MYO9A: variants seen among roughly 807,000 people sequenced by gnomAD.
The protein encoded by MYO9A is unconventional myosin-IXa.
In MYO9A, 103 loss-of-function variants were observed where a neutral mutation model predicts 293.3. The ratio of observed to expected loss-of-function variants is 0.35; its 90% CI spans 0.30 to 0.41. MYO9A has a LOEUF of 0.41. MYO9A is among the 10% of genes least tolerant of loss of function. The probability of loss-of-function intolerance (pLI) is 1.00; values close to 1 mark genes in which losing one functional copy is unlikely to be tolerated. For missense variants in MYO9A, 2,685 were observed against 3,033.0 expected (o/e 0.89, Z 2.69); for synonymous variants, 1,001 against 1,035.7 (o/e 0.97, Z 0.64).
intron 1 of MYO9A, among the ~76,000 whole-genome samples, chr15:72,058,129 A>G (rs2078772806): frequency 6.6e-6 from 1 of 152,254 alleles, no homozygotes; most frequent in Admixed American, 6.5e-5. Context: ...CAAATAAGGC[A>G]GTACCCCCTG....
chr15:72,006,413 C>A (rs925163200), intron 8 of MYO9A, among the ~76,000 whole-genome samples: 1 of 151,956 alleles, frequency 6.6e-6, no homozygotes, highest in African/African-American at 2.4e-5. Flanking sequence ...ATCTTAAGTG[C>A]GTATTACTAA....
At chr15:71,945,943 C>T (rs563097378) in intron 15 of MYO9A, among the ~76,000 whole-genome samples, 5 of 152,226 alleles carry the variant, frequency 3.3e-5, no homozygotes, top group African/African-American at 9.6e-5. Context: ...ATAGAATGAG[C>T]GTGGTATTAA....
intron 1 of MYO9A, among the ~76,000 whole-genome samples, chr15:72,081,699 C>A (rs1046623017): frequency 2.6e-5 from 4 of 152,048 alleles, no homozygotes; most frequent in African/African-American, 9.7e-5. Context: ...GACTTTAATC[C>A]ATCTTGAGTT....
chr15:72,042,973 C>T (rs577027162), intron 2 of MYO9A, among the ~76,000 whole-genome samples: 15 of 151,766 alleles, frequency 9.9e-5, no homozygotes, highest in Non-Finnish European at 2.2e-4. Flanking sequence ...AGGAGGCTAA[C>T]GTGAGAGGAT....
Position 71,928,688 on chromosome 15 carries a change from ATT to A in MYO9A, c.2562+4980_2562+4981del, listed in dbSNP as rs1368607875. On this transcript the variant is annotated intron_variant, in intron 18 of 41. Transcript: ENST00000356056. ...TTGAATTTACTATAAAATAGTTTAT[ATT>A]TTTTGATGCTATTGTAAATGGGATG... Among the ~76,000 whole-genome samples the A allele has an allele frequency of 2.0e-5, 3 of 152,122 alleles. No homozygotes were observed. The East Asian group carries it at 5.8e-4, about 29-fold the overall frequency.
chr15:71,931,991 G>A (rs1473692492), intron 18 of MYO9A, among the ~76,000 whole-genome samples: 1 of 151,776 alleles, frequency 6.6e-6, no homozygotes, highest in Non-Finnish European at 1.5e-5. Flanking sequence ...AAATTCTAGG[G>A]TACCTCTCAA....
intron 1 of MYO9A, among the ~76,000 whole-genome samples, chr15:72,113,146 T>C (rs536677107): frequency 2.4e-4 from 36 of 152,326 alleles, no homozygotes; most frequent in African/African-American, 8.7e-4. Flanking sequence ...CTTACCAAAG[T>C]AGTCAAACCC....
In MYO9A at chr15:72,060,363, G is replaced by T. The variant is rs1261066503; in HGVS notation, c.-71-13729C>A. Among the ~76,000 whole-genome samples, 3 of 150,358 alleles carry T rather than the reference G, an allele frequency of 2.0e-5. No individual in the cohort carries two copies. In the East Asian group the frequency reaches 5.8e-4, roughly 29 times the overall value. On this transcript the variant is annotated intron_variant, in intron 1 of 41. Coordinates refer to ENST00000356056, the MANE Select transcript of MYO9A (RefSeq NM_006901.4). ...ACTTATAATCAAAACTTTTACTAGG[G>T]TATTGAATAAATCTAGTCTTATTAG...
chr15:71,827,108 G>T, intron 41 of MYO9A, 65 bp from the exon 42 acceptor site: 1 of 1,214,092 alleles, frequency 8.2e-7, no homozygotes, highest in Non-Finnish European at 1.1e-6. Flanking sequence ...ATCATATAAT[G>T]AATAGATGCC....
intron 32 of MYO9A, among the ~76,000 whole-genome samples, chr15:71,871,250 G>A (rs1405916378): frequency 6.6e-6 from 1 of 151,762 alleles, no homozygotes; most frequent in Non-Finnish European, 1.5e-5. Flanking sequence ...ATAGGTGTGC[G>A]TGTGGTCCCA....
intron 19 of MYO9A, among the ~76,000 whole-genome samples, chr15:71,906,758 C>CTTTCTTTTCTTTTTTTTTTTTTT (rs765264146): frequency 1.6e-5 from 1 of 61,012 alleles, no homozygotes; most frequent in African/African-American, 6.4e-5. Context: ...CCATTTCTTT[C>CTTTCTTTTCTTTTTTTTTTTTTT]TTTTTTTTTT....
chr15:71,998,704 A>G (rs980465712), intron 9 of MYO9A, among the ~76,000 whole-genome samples: 5 of 151,874 alleles, frequency 3.3e-5, no homozygotes, highest in African/African-American at 1.2e-4. Context: ...CATTAGGGAT[A>G]TCTCCTAATG....
chr15:71,899,879 C>T lies in MYO9A; in HGVS notation c.3278G>A (p.Arg1093Gln), dbSNP rs771788086. ...GGCTGCAGCCCGTAACTCCAAGTAC[C>T]GCTGCCTCTCTAAGTGAGCACGCCA... The part of the protein sequence containing the change: ...ASWRAHLERQ[R>Q]YLELRAAAIV... The change falls in exon 24 of 42, where the codon CGG (arginine) becomes CAG (glutamine). Residue 1093 changes from arginine to glutamine, a missense_variant. Transcript: ENST00000356056. 3.1e-6 allele frequency: 5 copies of T among 1,614,092 alleles called. No homozygotes were observed. Among genetic ancestry groups the T allele is most frequent in the African/African-American group, 1.3e-5 (1 of 75,020 alleles).
Position 71,875,858 on chromosome 15 carries a change from T to C in MYO9A, c.5932-20A>G. On this transcript the variant is annotated intron_variant, in intron 31 of 41. Coordinates refer to ENST00000356056, the MANE Select transcript of MYO9A (RefSeq NM_006901.4). ...TGGCACCTGACAGGGGGACAGGAGATATATGGAAATTGTGATAACAAAGAC... is the reference window on the plus strand; with the variant it reads ...TGGCACCTGACAGGGGGACAGGAGACATATGGAAATTGTGATAACAAAGAC... 4.6e-6 allele frequency: 6 copies of C among 1,312,538 alleles called. No homozygotes were observed. Among genetic ancestry groups the C allele is most frequent in the Non-Finnish European group, 5.9e-6 (6 of 1,014,598 alleles). The allele number at this position is 1,312,538 out of a possible 1,614,324, so 81.3% of individuals were successfully genotyped here.
chr15:72,029,318 T>C (rs1375231718), intron 3 of MYO9A, among the ~76,000 whole-genome samples: 1 of 152,222 alleles, frequency 6.6e-6, no homozygotes, highest in Non-Finnish European at 1.5e-5. Context: ...GACAATTTTG[T>C]TGTTTGTCAG....
intron 15 of MYO9A, among the ~76,000 whole-genome samples, chr15:71,945,115 T>C (rs1163663149): frequency 6.6e-6 from 1 of 152,188 alleles, no homozygotes; most frequent in Non-Finnish European, 1.5e-5. Context: ...TCATCTCATA[T>C]AGTTTTTAGA....
In MYO9A at chr15:71,916,425, G is replaced by A. The variant is rs1221223229; in HGVS notation, c.2630C>T (p.Ser877Phe). The A allele has an allele frequency of 1.2e-6, 2 of 1,613,628 alleles. No homozygotes were observed. The highest frequency in any genetic ancestry group is 1.7e-6 in the Non-Finnish European group (2 of 1,179,786). Reference protein sequence around the residue: ...RLTLQDRITKSLLHLHKKKKP... With the variant: ...RLTLQDRITKFLLHLHKKKKP... ...TTTCTTCTTGTGTAAATGAAGAAGA[G>A]ACTTGGTAATGCGATCTTGTAGTGT... is the stretch of plus-strand genomic sequence containing the variant. Residue 877 changes from serine (S) to phenylalanine (F), a missense_variant, in exon 19 of 42, where the codon TCT becomes TTT. Transcript: ENST00000356056.
Position 71,859,723 on chromosome 15 carries a change from A to G in MYO9A, c.6153+12T>C, listed in dbSNP as rs1178519539. 8.1e-6 allele frequency: 13 copies of G among 1,604,902 alleles called. No homozygotes were observed. Among genetic ancestry groups the G allele is most frequent in the African/African-American group, 2.7e-5 (2 of 74,688 alleles). On this transcript the variant is annotated intron_variant, in intron 34 of 41. Transcript: ENST00000356056. ...GTCTGTTATCTATTACTGATAGGTGATAATTTCTTACCTTTTTAGAGCACT... is the reference window on the plus strand; with the variant it reads ...GTCTGTTATCTATTACTGATAGGTGGTAATTTCTTACCTTTTTAGAGCACT...
chr15:72,027,839 A>T (rs773732110), intron 3 of MYO9A, 46 bp from the exon 4 acceptor site: 6 of 1,313,124 alleles, frequency 4.6e-6, no homozygotes, highest in Non-Finnish European at 6.5e-6. Flanking sequence ...AAAGTTTAAT[A>T]TAAGGCAGAA....
Sources: allele counts gnomAD v4.1 joint callset (sites outside exome capture counted in the v4.1 genomes callset), GRCh38; gene constraint gnomAD v4.1.1; transcripts MANE v1.5; gene names NCBI Gene and HGNC (gene_info 2026-07-23, HGNC 2026-07-21).